Variants in NCOR1 observed in about 807,000 individuals in gnomAD.
NCOR1 encodes the protein nuclear receptor corepressor 1, also known as protein phosphatase 1, regulatory subunit 109.
A neutral mutation model predicts 288.1 loss-of-function variants in NCOR1; 63 were observed. That is an observed-to-expected ratio of 0.22 (90% confidence interval 0.18 to 0.27). The LOEUF (loss-of-function observed/expected upper bound fraction) is 0.27. NCOR1 is among the 10% of genes least tolerant of loss of function. The pLI is 1.00. For missense variants in NCOR1, 2,397 were observed against 3,019.2 expected (o/e 0.79, Z 4.83); for synonymous variants, 1,007 against 1,065.9 (o/e 0.94, Z 1.08).
intron 3 of NCOR1, 68 bp from the exon 4 acceptor site, chr17:16,172,063 C>T (rs768517744): frequency 7.9e-7 from 1 of 1,264,294 alleles, no homozygotes; most frequent in Non-Finnish European, 1.1e-6. Flanking sequence ...GGTAACATCC[C>T]TGGTTAGACT....
Position 16,118,022 on chromosome 17 carries a change from C to G in NCOR1, c.1921G>C (p.Val641Leu). The G allele has an allele frequency of 6.2e-7, 1 of 1,612,292 alleles. No individual in the cohort carries two copies. Among genetic ancestry groups the G allele is most frequent in the Non-Finnish European group, 8.5e-7 (1 of 1,179,444 alleles). Residue 641 changes from valine to leucine, a missense_variant, in exon 18 of 46, where the codon GTA (valine) becomes CTA (leucine). Val to Leu is a conservative substitution (Grantham distance 32). Transcript: ENST00000268712. ...GCTGCCCAGTTACGACCATGTTCTA[C>G]TAGACCTGCATTTTAAAAACAGACC... ...EEMEVAKKGL[V>L]EHGRNWAAIA...
intron 19 of NCOR1, among the ~76,000 whole-genome samples, chr17:16,105,733 AAAC>A (rs988382289): frequency 2.2e-4 from 34 of 152,166 alleles, no homozygotes; most frequent in African/African-American, 8.2e-4. Flanking sequence ...ACAAACAAAC[AAAC>A]AAACAAACAA....
chr17:16,177,584 T>C (rs1263508507), intron 3 of NCOR1, among the ~76,000 whole-genome samples: 1 of 152,134 alleles, frequency 6.6e-6, no homozygotes, highest in Non-Finnish European at 1.5e-5. Context: ...CTAAATACTG[T>C]TCTATGGCCC....
At chr17:16,172,028 A>C (rs1448925816) in intron 3 of NCOR1, 33 bp from the exon 4 acceptor site, 1 of 1,497,734 alleles carries the variant, frequency 6.7e-7, no homozygotes, top group African/African-American at 1.4e-5. Context: ...ACACTTGAAA[A>C]TTTGTAAGTG....
At chr17:16,138,322 T>A (rs2875265) in intron 12 of NCOR1, 110 bp from the exon 13 acceptor site, 4 of 886,684 alleles carry the variant, frequency 4.5e-6, no homozygotes, top group Non-Finnish European at 6.9e-6. Context: ...TGGTGGCTCA[T>A]GCCTGTAATC....
chr17:16,135,158 C>CAAAAAAAAAAAAAAAAAAAA (rs577308243), intron 14 of NCOR1, among the ~76,000 whole-genome samples: 1 of 35,892 alleles, frequency 2.8e-5, no homozygotes, highest in African/African-American at 9.0e-5. Context: ...GACTCCATCT[C>CAAAAAAAAAAAAAAAAAAAA]AAAAAAAAAA....
intron 10 of NCOR1, among the ~76,000 whole-genome samples, chr17:16,145,354 A>C (rs972752095): frequency 2.1e-5 from 3 of 143,552 alleles, no homozygotes; most frequent in African/African-American, 5.4e-5. Flanking sequence ...CTCTGCCTGG[A>C]CGCCCATCGT....
chr17:16,173,052 T>G (rs1386080167), intron 3 of NCOR1, among the ~76,000 whole-genome samples: 5 of 152,134 alleles, frequency 3.3e-5, no homozygotes, highest in African/African-American at 1.2e-4. Context: ...TGCCTCAGCC[T>G]CCCCGGTAGC....
chr17:16,089,492 A>G (rs943688829), intron 22 of NCOR1, among the ~76,000 whole-genome samples: 5 of 152,126 alleles, frequency 3.3e-5, no homozygotes, highest in Admixed American at 6.5e-5. Flanking sequence ...TAAGCAACTT[A>G]AAACAGGCAT....
chr17:16,067,750 G>A, intron 32 of NCOR1, 144 bp downstream of exon 32: 3 of 767,750 alleles, frequency 3.9e-6, no homozygotes, highest in Non-Finnish European at 3.9e-6. Context: ...CTGGTAACAT[G>A]GGAGAATTTA....
intron 18 of NCOR1, among the ~76,000 whole-genome samples, chr17:16,116,861 C>A (rs80181757): frequency 6.6e-6 from 1 of 152,156 alleles, no homozygotes; most frequent in South Asian, 2.1e-4. Context: ...AAATGCTCAG[C>A]GATGAAAAAT....
chr17:16,172,587 A>T (rs178838), intron 3 of NCOR1, among the ~76,000 whole-genome samples: 80,725 of 152,064 alleles, frequency 0.53, 21,840 homozygotes, highest in Middle Eastern at 0.61. Flanking sequence ...TATTGCTACA[A>T]AGAAAGAGAA....
chr17:16,127,630 T>C (rs921856677), intron 14 of NCOR1, among the ~76,000 whole-genome samples: 1 of 139,814 alleles, frequency 7.2e-6, no homozygotes, highest in African/African-American at 2.9e-5. Context: ...TATATATACA[T>C]ATATGTATAT....
At chr17:16,102,598 AT>A (rs917216885) in intron 19 of NCOR1, among the ~76,000 whole-genome samples, 62 of 133,902 alleles carry the variant, frequency 4.6e-4, no homozygotes, top group Non-Finnish European at 4.0e-4. Flanking sequence ...TGCATATCTA[AT>A]TTTTTTTTTT....
intron 14 of NCOR1, among the ~76,000 whole-genome samples, chr17:16,131,040 G>A (rs188636604): frequency 4.8e-5 from 7 of 144,708 alleles, no homozygotes; most frequent in African/African-American, 1.8e-4. Flanking sequence ...CCAGGCTGGA[G>A]TGCAGTGGCG....
rs558560702 is a variant in NCOR1, at chr17:16,172,680, C to T, written c.243-685G>A. Among the ~76,000 whole-genome samples the T allele has an allele frequency of 2.0e-5, 3 of 152,330 alleles. No individual in the cohort carries two copies. The South Asian group carries it at 6.2e-4, about 32-fold the overall frequency. ...CCAACATTGCTTCTAAAACATCATC[C>T]TGGCCCCAAAAACATGTATTCTGTC... On this transcript the variant is annotated intron_variant, in intron 3 of 45. Transcript: ENST00000268712.
intron 21 of NCOR1, among the ~76,000 whole-genome samples, chr17:16,097,238 G>A (rs1040674323): frequency 6.6e-6 from 1 of 152,226 alleles, no homozygotes; most frequent in Non-Finnish European, 1.5e-5. Flanking sequence ...CACAAGGCAG[G>A]AGGCTAGAAC....
intron 37 of NCOR1, among the ~76,000 whole-genome samples, chr17:16,059,984 ATCACTG>A (rs1233443843): frequency 1.3e-5 from 2 of 152,264 alleles, no homozygotes; most frequent in African/African-American, 4.8e-5. Context: ...ACTGTTACTC[ATCACTG>A]TTTATGTATT....
intron 22 of NCOR1, among the ~76,000 whole-genome samples, chr17:16,087,939 C>T (rs764915309): frequency 5.4e-4 from 82 of 152,132 alleles, no homozygotes; most frequent in Non-Finnish European, 4.3e-4. Flanking sequence ...TTAAAGGGCA[C>T]GCCAGAAATG....
Sources: allele counts gnomAD v4.1 joint callset (sites outside exome capture counted in the v4.1 genomes callset), GRCh38; gene constraint gnomAD v4.1.1; transcripts MANE v1.5; gene names NCBI Gene and HGNC (gene_info 2026-07-23, HGNC 2026-07-21).